PER2: variants seen among roughly 807,000 people sequenced by gnomAD.
PER2 encodes the protein period circadian regulator 2.
In PER2, 66 loss-of-function variants were observed where a neutral mutation model predicts 121.0. The observed-to-expected ratio is 0.55, with a 90% CI of 0.45 to 0.67. PER2 has a LOEUF of 0.67. Among genes scored for constraint, PER2 ranks in the 30% least tolerant of loss-of-function variants. The probability of loss-of-function intolerance (pLI) is 0.00; values close to 1 mark genes in which losing one functional copy is unlikely to be tolerated. For synonymous variants in PER2, 684 were observed against 659.9 expected (o/e 1.04, Z -0.56); for missense variants, 1,521 against 1,635.0 (o/e 0.93, Z 1.20).
intron 1 of PER2, among the ~76,000 whole-genome samples, chr2:238,280,347 G>C (rs930476190): frequency 2.6e-5 from 4 of 152,198 alleles, no homozygotes; most frequent in Non-Finnish European, 5.9e-5. Flanking sequence ...CAGCAGGGCC[G>C]ACTAGACCTC....
chr2:238,264,638 T>G (rs773421510), intron 9 of PER2, among the ~76,000 whole-genome samples: 1 of 152,152 alleles, frequency 6.6e-6, no homozygotes, highest in Non-Finnish European at 1.5e-5. Context: ...TCTTTCTATT[T>G]TTTTGAGACA....
chr2:238,285,296 T>C (rs1195552091), intron 1 of PER2, among the ~76,000 whole-genome samples: 1 of 151,698 alleles, frequency 6.6e-6, no homozygotes, highest in Non-Finnish European at 1.5e-5. Context: ...GAAAGTGCAG[T>C]CCACCACAAG....
chr2:238,281,037 C>A (rs1487596773), intron 1 of PER2, among the ~76,000 whole-genome samples: 1 of 149,096 alleles, frequency 6.7e-6, no homozygotes, highest in Admixed American at 6.7e-5. Context: ...GGGAGTCTTG[C>A]TCTGTCACCA....
Position 238,249,199 on chromosome 2 carries a change from C to T in PER2, c.3481G>A (p.Val1161Ile). The T allele has an allele frequency of 1.2e-6, 2 of 1,614,104 alleles. No homozygotes were observed. Among genetic ancestry groups the T allele is most frequent in the Non-Finnish European group, 1.7e-6 (2 of 1,179,974 alleles). Residue 1161 changes from valine (V) to isoleucine (I), a missense_variant, in exon 22 of 23, where the codon GTT becomes ATT. Transcript: ENST00000254657. Reference protein sequence around the residue: ...YQLPSRNLEAVLKEDREKLKL... With the variant: ...YQLPSRNLEAILKEDREKLKL... ...AGCTTCTCTCTGTCCTCCTTCAAAACCGCTTCTAAATTTCTTCGCAAGATA... is the reference window on the plus strand; with the variant it reads ...AGCTTCTCTCTGTCCTCCTTCAAAATCGCTTCTAAATTTCTTCGCAAGATA...
At chr2:238,291,065 G>A (rs894166752), upstream of PER2, among the ~76,000 whole-genome samples, 1 of 152,262 alleles carries the variant, frequency 6.6e-6, no homozygotes, top group African/African-American at 2.4e-5. Context: ...GTCACCTCCA[G>A]CACGGAGCTC....
intron 12 of PER2, among the ~76,000 whole-genome samples, chr2:238,261,220 TGCAGCCAGC>T (rs1420891305): frequency 6.6e-6 from 1 of 152,202 alleles, no homozygotes; most frequent in Non-Finnish European, 1.5e-5. Flanking sequence ...AACGCATGGC[TGCAGCCAGC>T]CACGCCTCTG....
chr2:238,261,953 GC>G (rs1331375455), intron 11 of PER2, 116 bp from the exon 12 acceptor site: 5 of 772,112 alleles, frequency 6.5e-6, no homozygotes, highest in Non-Finnish European at 1.1e-5. Context: ...CTCCCCTGCA[GC>G]CCCCCAGGCT....
chr2:238,282,080 G>A (rs1017346771), intron 1 of PER2, among the ~76,000 whole-genome samples: 1 of 152,268 alleles, frequency 6.6e-6, no homozygotes, highest in Admixed American at 6.5e-5. Context: ...CGCCCGGCCC[G>A]TGCTCAGACC....
chr2:238,271,750 C>T (rs1696294747), intron 5 of PER2, among the ~76,000 whole-genome samples: 1 of 152,170 alleles, frequency 6.6e-6, no homozygotes, highest in Non-Finnish European at 1.5e-5. Flanking sequence ...AAACAGCCTA[C>T]ATCCAAAGGG....
chr2:238,298,090 A>G, the PER2 span, among the ~76,000 whole-genome samples: 29 of 143,134 alleles, frequency 2.0e-4, no homozygotes, highest in South Asian at 6.3e-3. Context: ...TCTAGAGTGC[A>G]GTGGCATGAT....
intron 14 of PER2, 125 bp downstream of exon 14, chr2:238,259,844 G>C (rs1025622273): frequency 3.2e-5 from 21 of 658,404 alleles, no homozygotes; most frequent in African/African-American, 1.8e-4. Flanking sequence ...AACGCAGAAG[G>C]GGGTGTGACA....
Position 238,256,935 on chromosome 2 carries a change from C to T in PER2, c.2052G>A (p.Pro684=), listed in dbSNP as rs774430788. Residue 684 remains proline (P), a synonymous_variant, in exon 17 of 23, where the codon CCG becomes CCA. Coordinates refer to ENST00000254657, the MANE Select transcript of PER2 (RefSeq NM_022817.3). The stretch of plus-strand genomic sequence containing the variant: ...CCATAGTCATACCTAACTCCGGCTG[C>T]GGCTTCTTGTCTCCCACATGGACGA... The part of the protein sequence containing the change: ...STIVHVGDKK[P]QPELEMVEDA... The T allele has an allele frequency of 2.2e-5, 35 of 1,613,892 alleles. No homozygotes were observed. Among genetic ancestry groups the T allele is most frequent in the Admixed American group, 3.3e-5 (2 of 60,004 alleles).
intron 6 of PER2, among the ~76,000 whole-genome samples, chr2:238,270,766 A>G (rs6741263): frequency 0.44 from 66,613 of 152,140 alleles, 17,336 homozygotes; most frequent in African/African-American, 0.74. Context: ...GGGCAGGCCC[A>G]GCAGCCAAGA....
the PER2 span, among the ~76,000 whole-genome samples, chr2:238,297,731 G>A: frequency 6.6e-6 from 1 of 152,210 alleles, no homozygotes; most frequent in Non-Finnish European, 1.5e-5. Context: ...CCCAAGAAAG[G>A]CCACTGCCAT....
In PER2 at chr2:238,261,806, G is replaced by A; in HGVS notation, c.1339C>T (p.His447Tyr). ...AGGGCCTTCTCCTCTGTGCAGGGGT[G>A]GGCTGCAAACACGTCCTCATTCAAA... ...GPLNEDVFAA[H>Y]PCTEEKALHP... The change falls in exon 12 of 23, where the codon CAC becomes TAC. Residue 447 changes from histidine (H) to tyrosine (Y), a missense_variant. By Grantham distance (83) the His-to-Tyr change is moderately conservative. Transcript: ENST00000254657. 1.3e-6 allele frequency: 2 copies of A among 1,574,216 alleles called. No individual in the cohort carries two copies. Among genetic ancestry groups the A allele is most frequent in the Non-Finnish European group, 1.7e-6 (2 of 1,158,772 alleles).
chr2:238,277,036 A>T (rs1377597558), intron 3 of PER2, 95 bp downstream of exon 3: 2 of 969,006 alleles, frequency 2.1e-6, no homozygotes, highest in East Asian at 2.4e-5. Context: ...AGCACAGCTT[A>T]AAAAAAGCCA....
chr2:238,288,333 A>G lies in PER2; in HGVS notation c.-20+16T>C, dbSNP rs1696852248. 2.0e-5 allele frequency: 3 copies of G among 152,140 alleles called. No homozygotes were observed. The highest frequency in any genetic ancestry group is 2.0e-4 in the Admixed American group (3 of 15,274). The allele number at this position is 152,140 out of a possible 1,614,324, so 9.4% of individuals were successfully genotyped here. ...CAGTCACTCGGTAGCTCGGTGCCCT[A>G]CACACGCTGCCTCACCTTTCGGACC... is the stretch of plus-strand genomic sequence containing the variant. On this transcript the variant is annotated intron_variant, in intron 1 of 22. Coordinates refer to ENST00000254657, the MANE Select transcript of PER2 (RefSeq NM_022817.3).
At position 238,244,615 on chromosome 2, in the gene PER2, T is replaced by C. The variant is rs1007669480; in HGVS notation, c.*1760A>G. On this transcript the variant is annotated 3_prime_UTR_variant, in exon 23 of 23. Coordinates refer to ENST00000254657, the MANE Select transcript of PER2 (RefSeq NM_022817.3). ...CCTTATCATAGGCATAGGCAGCTGATGTTACTTTGTAAATTAACGAAAAAT... is the reference window on the plus strand; with the variant it reads ...CCTTATCATAGGCATAGGCAGCTGACGTTACTTTGTAAATTAACGAAAAAT... 1.3e-5 allele frequency: 2 copies of C among 152,388 alleles called. No homozygotes were observed. Among genetic ancestry groups the C allele is most frequent in the East Asian group, 1.9e-4 (1 of 5,192 alleles). 9.4% of individuals were successfully genotyped at this position (152,388 alleles called of 1,614,324 possible).
intron 6 of PER2, among the ~76,000 whole-genome samples, chr2:238,270,777 A>G (rs6741269): frequency 0.093 from 14,113 of 152,314 alleles, 709 homozygotes; most frequent in South Asian, 0.13. Context: ...GCAGCCAAGA[A>G]GGCTGCCATC....
Sources: gnomAD v4.1 joint callset for allele counts (sites outside exome capture counted in the v4.1 genomes callset) on GRCh38, gnomAD v4.1.1 for gene constraint, MANE v1.5 for transcripts, NCBI Gene and HGNC (gene_info 2026-07-23, HGNC 2026-07-21) for gene names.